ROBO2: variants seen among roughly 807,000 people sequenced by gnomAD.
ROBO2 encodes roundabout guidance receptor 2, also known as roundabout homolog 2.
A neutral mutation model predicts 160.8 loss-of-function variants in ROBO2; 53 were observed. The observed-to-expected ratio is 0.33, with a 90% CI of 0.26 to 0.41. ROBO2 has a LOEUF of 0.41. ROBO2 is among the 10% of genes least tolerant of loss of function. The pLI is 1.00. For missense variants in ROBO2, 1,577 were observed against 1,722.4 expected, an observed-to-expected ratio of 0.92 and a Z score of 1.49; for synonymous variants, 664 against 611.7, an observed-to-expected ratio of 1.09 and a Z score of -1.26.
intron 2 of ROBO2, among the ~76,000 whole-genome samples, chr3:76,777,574 C>T (rs958561355): frequency 1.1e-4 from 17 of 150,046 alleles, no homozygotes; most frequent in African/African-American, 3.4e-4. Flanking sequence ...TTTAACAAAA[C>T]GTTTTTTCTA....
chr3:76,225,953 C>T (rs1411391498), intron 2 of ROBO2, among the ~76,000 whole-genome samples: 4 of 152,080 alleles, frequency 2.6e-5, no homozygotes, highest in African/African-American at 9.7e-5. Flanking sequence ...GCAAATATTA[C>T]TTCCAAATCT....
intron 3 of ROBO2, among the ~76,000 whole-genome samples, chr3:77,479,051 T>G (rs1216826739): frequency 1.3e-5 from 2 of 152,122 alleles, no homozygotes; most frequent in Non-Finnish European, 2.9e-5. Context: ...ACCCTCTTCA[T>G]AGGATAGAGG....
chr3:75,981,653 G>A (rs1396280765), intron 2 of ROBO2, among the ~76,000 whole-genome samples: 2 of 150,862 alleles, frequency 1.3e-5, no homozygotes, highest in African/African-American at 4.9e-5. Flanking sequence ...GTACATAGTA[G>A]GTGTGTATAT....
chr3:76,140,876 T>G (rs984406584), intron 2 of ROBO2, among the ~76,000 whole-genome samples: 2 of 150,420 alleles, frequency 1.3e-5, no homozygotes, highest in African/African-American at 4.9e-5. Flanking sequence ...ATGTGTTTTT[T>G]TCAAGGACTA....
At chr3:77,240,445 G>A (rs1334480863) in intron 2 of ROBO2, among the ~76,000 whole-genome samples, 5 of 152,264 alleles carry the variant, frequency 3.3e-5, no homozygotes, top group South Asian at 2.1e-4. Context: ...CACACAGCCC[G>A]GGTTCCTGCC....
At chr3:76,065,121 C>T (rs74647558) in intron 2 of ROBO2, among the ~76,000 whole-genome samples, 3,817 of 151,860 alleles carry the variant, frequency 0.025, 142 homozygotes, top group African/African-American at 0.08. Context: ...TTGTAAGAAA[C>T]GAAAAATTTG....
chr3:76,089,620 A>G (rs1443878279), intron 2 of ROBO2, among the ~76,000 whole-genome samples: 1 of 152,144 alleles, frequency 6.6e-6, no homozygotes, highest in Non-Finnish European at 1.5e-5. Context: ...ACATTTGACA[A>G]AATCAAACAC....
chr3:76,868,513 T>A (rs1382041643), intron 2 of ROBO2, among the ~76,000 whole-genome samples: 1 of 152,214 alleles, frequency 6.6e-6, no homozygotes, highest in Admixed American at 6.5e-5. Context: ...CAACGTTCTA[T>A]GTTTGAAATA....
chr3:76,020,470 T>C (rs1559839717), intron 2 of ROBO2, among the ~76,000 whole-genome samples: 1 of 151,838 alleles, frequency 6.6e-6, no homozygotes, highest in East Asian at 1.9e-4. Context: ...CCTTTAAGTT[T>C]TTATTTAAAT....
chr3:75,949,380 T>C (rs1326481789), intron 2 of ROBO2, among the ~76,000 whole-genome samples: 3 of 152,098 alleles, frequency 2.0e-5, no homozygotes, highest in African/African-American at 7.2e-5. Context: ...ATTTCATTTG[T>C]GAATTTATCT....
At chr3:76,277,490 A>G (rs1018184154) in intron 2 of ROBO2, among the ~76,000 whole-genome samples, 4 of 151,966 alleles carry the variant, frequency 2.6e-5, no homozygotes, top group Non-Finnish European at 5.9e-5. Context: ...GTTTCTCCAG[A>G]GAAGGCATCT....
intron 2 of ROBO2, among the ~76,000 whole-genome samples, chr3:76,524,300 GC>G (rs1412176746): frequency 6.6e-6 from 1 of 151,910 alleles, no homozygotes; most frequent in Non-Finnish European, 1.5e-5. Context: ...TATGATTATT[GC>G]TCAAAGGGAG....
intron 2 of ROBO2, among the ~76,000 whole-genome samples, chr3:76,555,316 T>C (rs865841640): frequency 4.3e-4 from 55 of 127,650 alleles, no homozygotes; most frequent in African/African-American, 1.5e-3. Context: ...CCCAGGAGCA[T>C]GTCAAAAAAG....
intron 2 of ROBO2, among the ~76,000 whole-genome samples, chr3:76,845,229 A>G (rs1170065687): frequency 6.6e-6 from 1 of 151,994 alleles, no homozygotes; most frequent in African/African-American, 2.4e-5. Context: ...TGGTTAAGAA[A>G]CAAAAAAAAT....
chr3:76,362,576 T>C (rs1336893047), intron 2 of ROBO2, among the ~76,000 whole-genome samples: 1 of 152,132 alleles, frequency 6.6e-6, no homozygotes, highest in East Asian at 1.9e-4. Context: ...ATATGAAGTA[T>C]TCTTCAATCT....
At chr3:76,375,400 T>G (rs1029477546) in intron 2 of ROBO2, among the ~76,000 whole-genome samples, 1 of 151,982 alleles carries the variant, frequency 6.6e-6, no homozygotes, top group African/African-American at 2.4e-5. Flanking sequence ...CAAATAATCT[T>G]GAGTACTTCC....
intron 2 of ROBO2, among the ~76,000 whole-genome samples, chr3:77,263,749 T>A (rs760826448): frequency 2.0e-5 from 3 of 152,208 alleles, no homozygotes; most frequent in Non-Finnish European, 4.4e-5. Context: ...TAATTTATAT[T>A]CCTTTGGGTG....
intron 2 of ROBO2, among the ~76,000 whole-genome samples, chr3:76,801,866 G>A (rs1262040029): frequency 6.6e-6 from 1 of 152,018 alleles, no homozygotes; most frequent in Non-Finnish European, 1.5e-5. Context: ...TTTCACTTGA[G>A]CCCTTAGAGT....
intron 2 of ROBO2, among the ~76,000 whole-genome samples, chr3:76,874,988 A>C: frequency 6.6e-6 from 1 of 152,180 alleles, no homozygotes; most frequent in Admixed American, 6.5e-5. Context: ...TATGGTTTGC[A>C]TGTGTCCCCT....
Sources: gnomAD v4.1 joint callset for allele counts (sites outside exome capture counted in the v4.1 genomes callset) on GRCh38, gnomAD v4.1.1 for gene constraint, MANE v1.5 for transcripts, NCBI Gene and HGNC (gene_info 2026-07-23, HGNC 2026-07-21) for gene names.